CCPG1: variants seen among roughly 807,000 people sequenced by gnomAD.
The protein encoded by CCPG1 is cell cycle progression protein 1.
In CCPG1, 46 loss-of-function variants were observed where a neutral mutation model predicts 81.3. That is an observed-to-expected ratio of 0.57 (90% CI 0.45 to 0.72). The LOEUF (loss-of-function observed/expected upper bound fraction) is 0.72. Among genes scored for constraint, CCPG1 ranks in the 30% least tolerant of loss-of-function variants. The pLI is 0.00. For missense variants in CCPG1, 902 were observed against 937.6 expected (o/e 0.96, Z 0.50); for synonymous variants, 330 against 305.2 (o/e 1.08, Z -0.85).
rs1274696328 is a variant in CCPG1, at chr15:55,356,214, T to C, written c.*6A>G. The C allele has an allele frequency of 2.6e-6, 4 of 1,524,274 alleles. No individual in the cohort carries two copies. Among genetic ancestry groups the C allele is most frequent in the South Asian group, 1.2e-5 (1 of 80,840 alleles). 94.4% of individuals were successfully genotyped at this position (1,524,274 alleles called of 1,614,324 possible). A position where few individuals can be genotyped will look rare whatever the true frequency, so the allele number is the denominator to read the frequency against. On this transcript the variant is annotated 3_prime_UTR_variant, in exon 9 of 9. Coordinates refer to ENST00000442196, the MANE Select transcript of CCPG1 (RefSeq NM_001204450.2). ...TTACAGTTGTCTAATTTAACTCAATTGTGAATCAGTATTGAGGATCAAAAG... is the reference window on the plus strand; with the variant it reads ...TTACAGTTGTCTAATTTAACTCAATCGTGAATCAGTATTGAGGATCAAAAG...
rs1024494801 is a variant in CCPG1, at chr15:55,385,502, A to G, written c.175+98T>C. On this transcript the variant is annotated intron_variant, in intron 3 of 8. Coordinates refer to ENST00000442196, the MANE Select transcript of CCPG1 (RefSeq NM_001204450.2). The stretch of plus-strand genomic sequence containing the variant: ...TTCTAATCCTCCAACGACCCCTTAG[A>G]TTAGCCAGAAAGGCCACCCACCTGG... 1.5e-5 allele frequency: 9 copies of G among 605,406 alleles called. No individual in the cohort carries two copies. In the African/African-American group the frequency reaches 1.7e-4, roughly 12 times the overall value. 37.5% of individuals were successfully genotyped at this position (605,406 alleles called of 1,614,324 possible).
rs80333816 is a variant in CCPG1 at position 55,383,566 on chromosome 15, T to A, written c.175+2034A>T. 6.3e-3 allele frequency among the ~76,000 whole-genome samples: 964 copies of A among 152,326 alleles called. 16 individuals are homozygous for A. Among genetic ancestry groups the A allele is most frequent in the African/African-American group, 0.023 (936 of 41,568 alleles). ...GATGGCATCTTCTTCCAATAGAAAG[T>A]TGTGTCATCTATACTGAAAATCTGC... On this transcript the variant is annotated intron_variant, in intron 3 of 8. Coordinates refer to ENST00000442196, the MANE Select transcript of CCPG1 (RefSeq NM_001204450.2).
At position 55,377,789 on chromosome 15, in the gene CCPG1, T is replaced by C. The variant is rs998376211; in HGVS notation, c.252+511A>G. ...AATGCCATTTGGAAACAAGACAGCA[T>C]GTCATCAGCAAACACTGAACTTGTC... is the stretch of plus-strand genomic sequence containing the variant. On this transcript the variant is annotated intron_variant, in intron 4 of 8. Coordinates refer to ENST00000442196, the MANE Select transcript of CCPG1 (RefSeq NM_001204450.2). Among the ~76,000 whole-genome samples the C allele has an allele frequency of 5.9e-5, 9 of 152,356 alleles. No individual in the cohort carries two copies. The East Asian group carries it at 1.2e-3, about 20-fold the overall frequency.
intron 1 of CCPG1, among the ~76,000 whole-genome samples, chr15:55,404,711 C>T (rs1192178570): frequency 6.6e-6 from 1 of 152,144 alleles, no homozygotes; most frequent in Non-Finnish European, 1.5e-5. Flanking sequence ...GCAGGAAAAT[C>T]GCTTGAACCC....
Position 55,363,334 on chromosome 15 carries a change from G to A in CCPG1, c.828+1854C>T, listed in dbSNP as rs111265221. On this transcript the variant is annotated intron_variant, in intron 7 of 8. Transcript: ENST00000442196. ...ACTGCACTCCAGCCTGGGCAACAGA[G>A]CGAGGCTCCATCTCAGAAAAAAAAC... Among the ~76,000 whole-genome samples the A allele has an allele frequency of 1.4e-3, 219 of 151,478 alleles. 3 individuals are homozygous for A. Among genetic ancestry groups the A allele is most frequent in the African/African-American group, 5.0e-3 (207 of 41,120 alleles).
chr15:55,400,438 G>A (rs148594049), intron 1 of CCPG1, among the ~76,000 whole-genome samples: 7 of 151,776 alleles, frequency 4.6e-5, no homozygotes, highest in South Asian at 2.1e-4. Flanking sequence ...AGCCCAGGAG[G>A]TGGGGGTTGC....
At chr15:55,397,083 G>A (rs2057032215) in intron 1 of CCPG1, among the ~76,000 whole-genome samples, 1 of 151,846 alleles carries the variant, frequency 6.6e-6, no homozygotes, top group South Asian at 2.1e-4. Context: ...GCGTGGTAGC[G>A]GGCGCCTGTA....
chr15:55,388,275 GT>G (rs1316887523), intron 2 of CCPG1, among the ~76,000 whole-genome samples: 1 of 152,086 alleles, frequency 6.6e-6, no homozygotes, highest in Non-Finnish European at 1.5e-5. Flanking sequence ...GTATATTTCT[GT>G]TTATCAATAT....
intron 4 of CCPG1, 21 bp downstream of exon 4, chr15:55,378,279 C>A: frequency 7.0e-7 from 1 of 1,432,674 alleles, no homozygotes; most frequent in Admixed American, 1.7e-5. Flanking sequence ...CATATATCCA[C>A]AGTGTAAAAT....
At chr15:55,391,137 G>C (rs1414757004) in intron 1 of CCPG1, among the ~76,000 whole-genome samples, 1 of 151,930 alleles carries the variant, frequency 6.6e-6, no homozygotes, top group African/African-American at 2.4e-5. Context: ...TCTTTATTTT[G>C]AGTGTGACAG....
At chr15:55,390,073 G>A (rs905209559) in intron 1 of CCPG1, among the ~76,000 whole-genome samples, 1 of 152,034 alleles carries the variant, frequency 6.6e-6, no homozygotes, top group Non-Finnish European at 1.5e-5. Context: ...ACAGGCGCGT[G>A]CCACCACGCC....
Position 55,385,707 on chromosome 15 carries a change from T to A in CCPG1, c.68A>T (p.Asp23Val), listed in dbSNP as rs2056785517. 1.3e-6 allele frequency: 2 copies of A among 1,571,246 alleles called. No individual in the cohort carries two copies. The highest frequency in any genetic ancestry group is 1.4e-5 in the African/African-American group (1 of 74,020). ...GGTCACAGAATTCAACATTTCTATA[T>A]CTGACCCCTAAGGAAAAGTGATAAT... ...GWTVISHEGS[D>V]IEMLNSVTPT... Residue 23 changes from aspartate (D) to valine (V), a missense_variant, in exon 3 of 9, where the codon GAT becomes GTT. Physicochemically the swap from Asp to Val is radical, Grantham distance 152 (BLOSUM62 -3). Coordinates refer to ENST00000442196, the MANE Select transcript of CCPG1 (RefSeq NM_001204450.2).
chr15:55,366,577 G>C (rs961819885), intron 6 of CCPG1, among the ~76,000 whole-genome samples: 2 of 152,110 alleles, frequency 1.3e-5, no homozygotes, highest in African/African-American at 2.4e-5. Context: ...TTCGAGACCA[G>C]CCTGACCAAC....
At chr15:55,405,877 G>T (rs923742960) in intron 1 of CCPG1, among the ~76,000 whole-genome samples, 1 of 152,024 alleles carries the variant, frequency 6.6e-6, no homozygotes, top group Non-Finnish European at 1.5e-5. Flanking sequence ...TGCTTATTTG[G>T]TGTTTTTGAG....
At chr15:55,385,968 C>T (rs753182374) in intron 2 of CCPG1, among the ~76,000 whole-genome samples, 8 of 152,098 alleles carry the variant, frequency 5.3e-5, no homozygotes, top group Non-Finnish European at 1.0e-4. Flanking sequence ...TTTATGAGCT[C>T]AAGCAATAAA....
chr15:55,392,986 C>T, intron 1 of CCPG1, among the ~76,000 whole-genome samples: 1 of 152,154 alleles, frequency 6.6e-6, no homozygotes, highest in Non-Finnish European at 1.5e-5. Context: ...CACCTGTAAT[C>T]CCAGCTACTC....
chr15:55,371,890 A>C lies in CCPG1; in HGVS notation c.609T>G (p.Ser203=). 1 of 1,614,174 alleles carries C rather than the reference A, an allele frequency of 6.2e-7. No individual in the cohort carries two copies. The highest frequency in any genetic ancestry group is 8.5e-7 in the Non-Finnish European group (1 of 1,179,986). The change falls in exon 6 of 9, where the codon TCT becomes TCG. Residue 203 remains serine, a synonymous_variant. Transcript: ENST00000442196. ...TGAACTGACGTTTACTCAACTCCTT[A>C]GAAGGTTCAGTTTCTTGTTCAGCAA... ...RLVAEQETEP[S]KELSKRQFSS... is the part of the protein sequence containing the mutation.
In CCPG1 at chr15:55,376,447, G is replaced by C. The variant is rs111943108; in HGVS notation, c.454+502C>G. Reference sequence around the variant, plus strand: ...CTAAAACAAAAGATCTGAAGGTCACGAGCTTTGGAAGACTAGCTGTATTGA... The same window carrying C: ...CTAAAACAAAAGATCTGAAGGTCACCAGCTTTGGAAGACTAGCTGTATTGA... On this transcript the variant is annotated intron_variant, in intron 5 of 8. Coordinates refer to ENST00000442196, the MANE Select transcript of CCPG1 (RefSeq NM_001204450.2). Among the ~76,000 whole-genome samples, 494 of 152,312 alleles carry C rather than the reference G, an allele frequency of 3.2e-3. 1 individual carries two copies. The highest frequency in any genetic ancestry group is 0.011 in the African/African-American group (465 of 41,564).
At chr15:55,358,244 T>G (rs1049369763) in intron 8 of CCPG1, 108 of 383,944 alleles carry the variant, frequency 2.8e-4, no homozygotes, top group Non-Finnish European at 3.5e-4. Flanking sequence ...AACCTATGTG[T>G]GAGATTGTAA....
Sources: gnomAD v4.1 joint callset for allele counts (sites outside exome capture counted in the v4.1 genomes callset) on GRCh38, gnomAD v4.1.1 for gene constraint, MANE v1.5 for transcripts, NCBI Gene and HGNC (gene_info 2026-07-23, HGNC 2026-07-21) for gene names.